COL5A2: variants seen among roughly 807,000 people sequenced by gnomAD.
COL5A2 encodes the protein collagen alpha-2(V) chain.
Under a neutral mutation model 208.2 loss-of-function variants are expected in COL5A2, and 23 were observed. That is an observed-to-expected ratio of 0.11 (90% CI 0.08 to 0.16). The LOEUF (loss-of-function observed/expected upper bound fraction) is 0.16. Ranked by LOEUF, COL5A2 falls within the 10% of genes least tolerant of loss-of-function variation. COL5A2 has a pLI of 1.00. For synonymous variants in COL5A2, 625 were observed against 628.5 expected, an observed-to-expected ratio of 0.99 and a Z score of 0.08; for missense variants, 1,590 against 1,956.4, an observed-to-expected ratio of 0.81 and a Z score of 3.53.
chr2:189,393,756 T>C, the COL5A2 span, among the ~76,000 whole-genome samples: 1 of 152,206 alleles, frequency 6.6e-6, no homozygotes, highest in Non-Finnish European at 1.5e-5. Context: ...CTCCCATTTC[T>C]AAATTGCCAG....
At position 189,081,021 on chromosome 2, in the gene COL5A2, G is replaced by A. The variant is rs1211991688; in HGVS notation, c.875C>T (p.Ala292Val). 1.9e-6 allele frequency: 3 copies of A among 1,613,500 alleles called. No individual in the cohort carries two copies. The highest frequency in any genetic ancestry group is 2.5e-6 in the Non-Finnish European group (3 of 1,179,548). The change falls in exon 13 of 54, where the codon GCT becomes GTT. Residue 292 changes from alanine (A) to valine (V), a missense_variant. Ala to Val is a moderately conservative substitution (Grantham distance 64, BLOSUM62 0). Coordinates refer to ENST00000374866, the MANE Select transcript of COL5A2 (RefSeq NM_000393.5). Reference protein sequence around the residue: ...GSPGARGFPGAPGLPGLKGHR... With the variant: ...GSPGARGFPGVPGLPGLKGHR... Reference sequence around the variant, plus strand: ...ACCCTTCAGACCTGGAAGACCAGGAGCCCCAGGAAATCCACGAGCTCCCTG... The same window carrying A: ...ACCCTTCAGACCTGGAAGACCAGGAACCCCAGGAAATCCACGAGCTCCCTG...
intron 1 of COL5A2, among the ~76,000 whole-genome samples, chr2:189,159,093 A>G (rs1688309851): frequency 6.6e-6 from 1 of 152,204 alleles, no homozygotes; most frequent in Non-Finnish European, 1.5e-5. Flanking sequence ...CTCAATTTTA[A>G]CCACCCTCAA....
the COL5A2 span, among the ~76,000 whole-genome samples, chr2:189,318,683 TAA>T: frequency 6.6e-6 from 1 of 152,220 alleles, no homozygotes; most frequent in African/African-American, 2.4e-5. Context: ...ATAAAATTAT[TAA>T]ACTTTTCTTA....
intron 18 of COL5A2, 52 bp downstream of exon 18, chr2:189,071,988 A>C: frequency 8.5e-7 from 1 of 1,170,306 alleles, no homozygotes; most frequent in Non-Finnish European, 1.3e-6. Context: ...TCACTTTGGG[A>C]CTCATGTAAT....
chr2:189,320,353 C>T, the COL5A2 span, among the ~76,000 whole-genome samples: 86,810 of 152,034 alleles, frequency 0.57, 26,425 homozygotes, highest in East Asian at 0.71. Flanking sequence ...AGGCTTCAGA[C>T]GATCAAACGT....
At chr2:189,088,641 TA>T in intron 8 of COL5A2, 53 bp downstream of exon 8, 1 of 1,362,842 alleles carries the variant, frequency 7.3e-7, no homozygotes, top group Non-Finnish European at 1.1e-6. Context: ...ATTCTCTTTT[TA>T]AAATAATTTT....
the COL5A2 span, among the ~76,000 whole-genome samples, chr2:189,428,563 A>G: frequency 6.6e-6 from 1 of 152,160 alleles, no homozygotes; most frequent in East Asian, 1.9e-4. Flanking sequence ...GGTTGCAGTG[A>G]GCCAAGACTG....
At chr2:189,034,850 A>G in intron 53 of COL5A2, 66 bp downstream of exon 53, 5 of 1,600,572 alleles carry the variant, frequency 3.1e-6, no homozygotes, top group Middle Eastern at 1.7e-4. Flanking sequence ...TAGTGCTGTA[A>G]TAGTATTTTT....
At chr2:189,202,248 G>T (rs902450441) in intron 1 of COL5A2, among the ~76,000 whole-genome samples, 5 of 151,892 alleles carry the variant, frequency 3.3e-5, no homozygotes, top group African/African-American at 1.2e-4. Flanking sequence ...AAGCAAGAGA[G>T]TAGAAAATAG....
the COL5A2 span, among the ~76,000 whole-genome samples, chr2:189,351,009 C>A: frequency 6.6e-6 from 1 of 152,168 alleles, no homozygotes; most frequent in Non-Finnish European, 1.5e-5. Flanking sequence ...GAATAAGAGT[C>A]CTGGCTCTCC....
Position 189,071,385 on chromosome 2 carries a change from T to C in COL5A2, c.1158+655A>G, listed in dbSNP as rs142863535. Among the ~76,000 whole-genome samples, 437 of 152,292 alleles carry C rather than the reference T, an allele frequency of 2.9e-3. 1 individual carries two copies. Among genetic ancestry groups the C allele is most frequent in the African/African-American group, 9.8e-3 (408 of 41,556 alleles). ...TGTTCTGAATTAATTCACCAGTTTA[T>C]CTAATGTAATCCTAATGTCCTTCTA... On this transcript the variant is annotated intron_variant, in intron 18 of 53. Transcript: ENST00000374866.
At chr2:189,242,794 A>G in the COL5A2 span, among the ~76,000 whole-genome samples, 1 of 152,316 alleles carries the variant, frequency 6.6e-6, no homozygotes, top group East Asian at 1.9e-4. Flanking sequence ...GGGGATAAGG[A>G]AAGAGTCTTT....
chr2:189,204,132 T>C (rs1052871192), intron 1 of COL5A2, among the ~76,000 whole-genome samples: 7 of 152,180 alleles, frequency 4.6e-5, no homozygotes, highest in Admixed American at 1.3e-4. Context: ...CTCCTGACCT[T>C]GTGATCCGCC....
chr2:189,315,586 T>C, the COL5A2 span, among the ~76,000 whole-genome samples: 26 of 152,048 alleles, frequency 1.7e-4, no homozygotes, highest in Non-Finnish European at 2.5e-4. Context: ...GCCAGGACAA[T>C]TGGGCAAGAG....
chr2:189,089,064 T>C (rs1686727692), intron 7 of COL5A2, among the ~76,000 whole-genome samples: 1 of 152,228 alleles, frequency 6.6e-6, no homozygotes, highest in Non-Finnish European at 1.5e-5. Flanking sequence ...TGATAAGCAC[T>C]AGCCAGTCTA....
At chr2:189,372,903 A>C in the COL5A2 span, among the ~76,000 whole-genome samples, 1,051 of 152,282 alleles carry the variant, frequency 6.9e-3, 12 homozygotes, top group South Asian at 0.029. Context: ...ACTCACACAA[A>C]CAAGCTTTAT....
chr2:189,263,350 T>C, the COL5A2 span, among the ~76,000 whole-genome samples: 10 of 152,218 alleles, frequency 6.6e-5, no homozygotes, highest in South Asian at 1.9e-3. Flanking sequence ...ACAGAATATA[T>C]GTGTGCCATT....
the COL5A2 span, among the ~76,000 whole-genome samples, chr2:189,261,976 C>A: frequency 6.6e-6 from 1 of 152,032 alleles, no homozygotes; most frequent in Admixed American, 6.6e-5. Context: ...ATAGTTATGG[C>A]AATCTTGATG....
the COL5A2 span, among the ~76,000 whole-genome samples, chr2:189,316,976 C>T: frequency 6.6e-6 from 1 of 151,990 alleles, no homozygotes; most frequent in Non-Finnish European, 1.5e-5. Flanking sequence ...CATTGCATGC[C>T]TGTATCAAAA....
Sources: gnomAD v4.1 joint callset for allele counts (sites outside exome capture counted in the v4.1 genomes callset) on GRCh38, gnomAD v4.1.1 for gene constraint, MANE v1.5 for transcripts, NCBI Gene and HGNC (gene_info 2026-07-23, HGNC 2026-07-21) for gene names.